Variants in EFCAB11 observed in about 807,000 individuals in gnomAD.
The protein encoded by EFCAB11 is EF-hand calcium binding domain 11.
In EFCAB11, 14 loss-of-function variants were observed where a neutral mutation model predicts 23.0. That is an observed-to-expected ratio of 0.61 (90% CI 0.40 to 0.95). The LOEUF is 0.95. Ranked by LOEUF, EFCAB11 falls within the 40% of genes least tolerant of loss-of-function variation. The pLI is 0.00. For missense variants in EFCAB11, 198 were observed against 195.8 expected, an observed-to-expected ratio of 1.01 and a Z score of -0.07; for synonymous variants, 65 against 66.6, an observed-to-expected ratio of 0.98 and a Z score of 0.11.
intron 5 of EFCAB11, among the ~76,000 whole-genome samples, 165 bp from the exon 6 acceptor site, chr14:89,797,489 T>A (rs528334646): frequency 6.6e-6 from 1 of 152,196 alleles, no homozygotes; most frequent in Admixed American, 6.5e-5. Flanking sequence ...ATAATAAAGG[T>A]TTGCAGGAAA....
At chr14:89,952,946 C>T (rs115198012) in intron 2 of EFCAB11, among the ~76,000 whole-genome samples, 2 of 151,946 alleles carry the variant, frequency 1.3e-5, no homozygotes, top group South Asian at 2.1e-4. Context: ...TGTTGTCTCT[C>T]GAATGAATGT....
chr14:89,901,105 T>C (rs963881056), intron 5 of EFCAB11, among the ~76,000 whole-genome samples: 1 of 152,216 alleles, frequency 6.6e-6, no homozygotes, highest in Non-Finnish European at 1.5e-5. Context: ...ATTTGTAAAC[T>C]TTCACATATT....
At chr14:89,799,679 C>G (rs1410046970) in intron 5 of EFCAB11, among the ~76,000 whole-genome samples, 1 of 151,660 alleles carries the variant, frequency 6.6e-6, no homozygotes, top group South Asian at 2.1e-4. Context: ...AACCCTGACT[C>G]GAAAGAAACT....
intron 3 of EFCAB11, among the ~76,000 whole-genome samples, chr14:89,941,723 T>C (rs1890802187): frequency 6.6e-6 from 1 of 151,824 alleles, no homozygotes; most frequent in African/African-American, 2.4e-5. Flanking sequence ...GCCAGAGTTT[T>C]TTAACTTCTA....
intron 5 of EFCAB11, among the ~76,000 whole-genome samples, chr14:89,873,607 T>A (rs1417002533): frequency 6.6e-6 from 1 of 152,090 alleles, no homozygotes; most frequent in African/African-American, 2.4e-5. Flanking sequence ...CTAGATATAA[T>A]GGGGGTACGG....
At chr14:89,949,242 C>A (rs956782324) in intron 3 of EFCAB11, among the ~76,000 whole-genome samples, 1 of 151,844 alleles carries the variant, frequency 6.6e-6, no homozygotes, top group Non-Finnish European at 1.5e-5. Context: ...TCATGTACCA[C>A]CTCTCTATAT....
chr14:89,832,138 C>G (rs1886906400), intron 5 of EFCAB11, among the ~76,000 whole-genome samples: 1 of 152,022 alleles, frequency 6.6e-6, no homozygotes, highest in Admixed American at 6.5e-5. Flanking sequence ...CATGGTGAAA[C>G]CCCATCTCTA....
chr14:89,938,063 C>T (rs184811175), intron 3 of EFCAB11: 1 of 152,192 alleles, frequency 6.6e-6, no homozygotes, highest in East Asian at 1.9e-4. Flanking sequence ...TTGTGGTTCA[C>T]AGTTCTAAGC....
intron 5 of EFCAB11, among the ~76,000 whole-genome samples, chr14:89,888,144 A>G (rs1401313383): frequency 6.6e-6 from 1 of 152,238 alleles, no homozygotes; most frequent in African/African-American, 2.4e-5. Flanking sequence ...TGCCTGCCCC[A>G]AATGCATATG....
At chr14:89,892,222 G>A (rs1888994585) in intron 5 of EFCAB11, 14 of 1,606,876 alleles carry the variant, frequency 8.7e-6, no homozygotes, top group African/African-American at 2.7e-5. Flanking sequence ...AGGAGGCCGA[G>A]GAGCTAGCTG....
intron 3 of EFCAB11, among the ~76,000 whole-genome samples, chr14:89,941,373 A>G (rs1211630117): frequency 6.6e-6 from 1 of 152,118 alleles, no homozygotes; most frequent in East Asian, 1.9e-4. Flanking sequence ...AGGGGAATGA[A>G]TACTGGCCTC....
intron 5 of EFCAB11, among the ~76,000 whole-genome samples, chr14:89,842,627 GATATGATATGATATA>G: frequency 8.0e-6 from 1 of 124,742 alleles, no homozygotes; most frequent in Non-Finnish European, 1.6e-5. Context: ...GATATGATAT[GATATGATATGATATA>G]ATATAATGTC....
At position 89,954,678 on chromosome 14, in the gene EFCAB11, A is replaced by C; in HGVS notation, c.-18T>G. 1 of 1,607,888 alleles carries C rather than the reference A, an allele frequency of 6.2e-7. No homozygotes were observed. Among genetic ancestry groups the C allele is most frequent in the Non-Finnish European group, 8.5e-7 (1 of 1,178,644 alleles). ...AAGAACATCGCGACTACAACAACCG[A>C]GCCCCAGCAACCCAACCAGCTACCA... is the stretch of plus-strand genomic sequence containing the variant. On this transcript the variant is annotated 5_prime_UTR_variant, in exon 1 of 6. Transcript: ENST00000316738.
At chr14:89,889,431 G>A (rs926415338) in intron 5 of EFCAB11, among the ~76,000 whole-genome samples, 1 of 152,140 alleles carries the variant, frequency 6.6e-6, no homozygotes. Context: ...AGGATGAAAC[G>A]AGTAAAGGGC....
intron 3 of EFCAB11, among the ~76,000 whole-genome samples, chr14:89,945,197 C>T (rs1255698678): frequency 1.3e-5 from 2 of 151,624 alleles, no homozygotes; most frequent in South Asian, 2.1e-4. Flanking sequence ...CTTGTTTGTC[C>T]TCTTTTCAAT....
At chr14:89,922,628 G>T (rs942189) in intron 5 of EFCAB11, among the ~76,000 whole-genome samples, 28,012 of 150,702 alleles carry the variant, frequency 0.19, 3,060 homozygotes, top group South Asian at 0.32. Flanking sequence ...AAAGCCTGTG[G>T]TTTTTTTTCC....
At chr14:89,848,706 C>T (rs1396032125) in intron 5 of EFCAB11, 1 of 152,290 alleles carries the variant, frequency 6.6e-6, no homozygotes, top group Non-Finnish European at 1.5e-5. Context: ...GCAGGTGGAT[C>T]ACTTGAGGTC....
At chr14:89,874,661 G>T (rs1186490285) in intron 5 of EFCAB11, among the ~76,000 whole-genome samples, 1 of 152,176 alleles carries the variant, frequency 6.6e-6, no homozygotes, top group African/African-American at 2.4e-5. Flanking sequence ...ACTTTGGGAG[G>T]CCAAGGTGGG....
chr14:89,841,714 T>C (rs1277045026), intron 5 of EFCAB11, among the ~76,000 whole-genome samples: 4 of 151,974 alleles, frequency 2.6e-5, no homozygotes. Context: ...CTGTTTACTG[T>C]TTTTCAGGGA....
Sources: gnomAD v4.1 joint callset for allele counts (sites outside exome capture counted in the v4.1 genomes callset) on GRCh38, gnomAD v4.1.1 for gene constraint, MANE v1.5 for transcripts, NCBI Gene and HGNC (gene_info 2026-07-23, HGNC 2026-07-21) for gene names.